FRMD4A: variants seen among roughly 807,000 people sequenced by gnomAD.
FRMD4A encodes the protein FERM domain containing 4A, also known as FERM domain-containing protein 4A.
In FRMD4A, 29 loss-of-function variants were observed where a neutral mutation model predicts 129.1. The observed-to-expected ratio is 0.22, with a 90% confidence interval of 0.17 to 0.31. FRMD4A has a LOEUF of 0.31. Among genes scored for constraint, FRMD4A ranks in the 10% least tolerant of loss-of-function variants. FRMD4A has a pLI of 1.00. For missense variants in FRMD4A, 1,272 were observed against 1,375.8 expected, an observed-to-expected ratio of 0.92 and a Z score of 1.19; for synonymous variants, 634 against 571.6, an observed-to-expected ratio of 1.11 and a Z score of -1.56.
At chr10:13,969,535 C>G (rs1052248231) in intron 2 of FRMD4A, among the ~76,000 whole-genome samples, 6 of 152,138 alleles carry the variant, frequency 3.9e-5, no homozygotes, top group African/African-American at 1.4e-4. Flanking sequence ...GCGGGGCTAG[C>G]CCACCCTGCT....
intron 2 of FRMD4A, among the ~76,000 whole-genome samples, chr10:14,096,320 C>A (rs898371648): frequency 6.6e-6 from 1 of 152,190 alleles, no homozygotes; most frequent in African/African-American, 2.4e-5. Context: ...AACTTCCCAG[C>A]CTCCAAAACT....
intron 2 of FRMD4A, among the ~76,000 whole-genome samples, chr10:14,080,011 A>C (rs999698843): frequency 9.2e-5 from 14 of 152,158 alleles, no homozygotes; most frequent in Non-Finnish European, 1.8e-4. Flanking sequence ...TAGGAGGAAA[A>C]GGCCAAAACC....
chr10:14,327,489 G>A (rs1843323865), intron 2 of FRMD4A, among the ~76,000 whole-genome samples: 1 of 152,188 alleles, frequency 6.6e-6, no homozygotes, highest in African/African-American at 2.4e-5. Context: ...CATCACCAAG[G>A]CAGAGAAAGG....
chr10:14,294,111 C>T (rs530888543), intron 2 of FRMD4A, among the ~76,000 whole-genome samples: 1 of 152,240 alleles, frequency 6.6e-6, no homozygotes, highest in South Asian at 2.1e-4. Flanking sequence ...TGCAGTCAAG[C>T]AGGGGCACCC....
chr10:13,948,648 ATTTTTTTT>A (rs34872688), intron 2 of FRMD4A, among the ~76,000 whole-genome samples: 3 of 91,366 alleles, frequency 3.3e-5, no homozygotes, highest in Non-Finnish European at 4.8e-5. Context: ...GGAAAAGAGG[ATTTTTTTT>A]TTTTTTTTTT....
At chr10:13,986,582 G>T (rs1422092451) in intron 2 of FRMD4A, among the ~76,000 whole-genome samples, 2 of 146,768 alleles carry the variant, frequency 1.4e-5, no homozygotes, top group Non-Finnish European at 3.0e-5. Flanking sequence ...CACCAGCATG[G>T]CACATGTATA....
intron 2 of FRMD4A, among the ~76,000 whole-genome samples, chr10:14,089,644 C>CAAA (rs72412046): frequency 6.8e-5 from 9 of 131,896 alleles, no homozygotes; most frequent in African/African-American, 2.3e-4. Flanking sequence ...AAAAAACAAA[C>CAAA]AAAAAAAAAA....
intron 2 of FRMD4A, among the ~76,000 whole-genome samples, chr10:14,212,457 C>T (rs1300947605): frequency 1.3e-5 from 2 of 152,058 alleles, no homozygotes; most frequent in African/African-American, 2.4e-5. Flanking sequence ...CTCATTTCCC[C>T]CTTAATGGAA....
At chr10:14,142,041 G>A (rs1839861850) in intron 2 of FRMD4A, among the ~76,000 whole-genome samples, 1 of 151,958 alleles carries the variant, frequency 6.6e-6, no homozygotes, top group South Asian at 2.1e-4. Flanking sequence ...TTGAGTGACT[G>A]GTTTTGATTA....
chr10:14,170,777 C>A (rs1473020442), intron 2 of FRMD4A, among the ~76,000 whole-genome samples: 1 of 151,442 alleles, frequency 6.6e-6, no homozygotes, highest in Non-Finnish European at 1.5e-5. Flanking sequence ...ATCAAGCCAT[C>A]TTCCCTCCCT....
At chr10:13,793,859 G>A (rs543040874) in intron 5 of FRMD4A, among the ~76,000 whole-genome samples, 23 of 152,254 alleles carry the variant, frequency 1.5e-4, no homozygotes, top group Middle Eastern at 3.4e-3. Flanking sequence ...GTAAAGAGAC[G>A]GAATTCACCT....
intron 2 of FRMD4A, among the ~76,000 whole-genome samples, chr10:14,062,401 G>T (rs984747770): frequency 6.6e-6 from 1 of 152,302 alleles, no homozygotes; most frequent in East Asian, 1.9e-4. Context: ...AGCCATGGAC[G>T]TGTAGAAAGG....
chr10:13,726,435 A>G (rs147811481), intron 12 of FRMD4A, among the ~76,000 whole-genome samples: 2 of 152,370 alleles, frequency 1.3e-5, no homozygotes, highest in African/African-American at 4.8e-5. Context: ...AACTCAGACT[A>G]AAATGTCTTC....
intron 2 of FRMD4A, among the ~76,000 whole-genome samples, chr10:14,070,067 T>G (rs534467753): frequency 3.9e-4 from 60 of 152,308 alleles, no homozygotes; most frequent in African/African-American, 1.4e-3. Flanking sequence ...CATGTAGACT[T>G]TCTCTTCCCT....
intron 2 of FRMD4A, among the ~76,000 whole-genome samples, chr10:14,248,299 T>C (rs1844316058): frequency 6.6e-6 from 1 of 152,210 alleles, no homozygotes; most frequent in Non-Finnish European, 1.5e-5. Context: ...CTCAAAGATA[T>C]AAATAAAACA....
At chr10:14,018,916 G>A (rs1035814352) in intron 2 of FRMD4A, among the ~76,000 whole-genome samples, 47 of 152,168 alleles carry the variant, frequency 3.1e-4, no homozygotes, top group African/African-American at 1.1e-3. Flanking sequence ...TGTAAATGCA[G>A]CTCTGGATTT....
chr10:13,655,457 G>A (rs1257015820), intron 22 of FRMD4A: 1 of 152,198 alleles, frequency 6.6e-6, no homozygotes, highest in Non-Finnish European at 1.5e-5. Flanking sequence ...GATGAAGAAG[G>A]AACATAAAGA....
intron 2 of FRMD4A, among the ~76,000 whole-genome samples, chr10:14,027,649 TCAAA>T (rs1479900350): frequency 1.3e-5 from 2 of 152,012 alleles, no homozygotes; most frequent in Non-Finnish European, 2.9e-5. Context: ...AAAACAAAAA[TCAAA>T]CAGTCAGTGC....
At chr10:14,098,552 T>A (rs1359599599) in intron 2 of FRMD4A, among the ~76,000 whole-genome samples, 1 of 152,136 alleles carries the variant, frequency 6.6e-6, no homozygotes, top group African/African-American at 2.4e-5. Context: ...TGCAGGTGCC[T>A]GCCAGCATGC....
Sources: allele counts gnomAD v4.1 joint callset (sites outside exome capture counted in the v4.1 genomes callset), GRCh38; gene constraint gnomAD v4.1.1; transcripts MANE v1.5; gene names NCBI Gene and HGNC (gene_info 2026-07-23, HGNC 2026-07-21).